RPS6KA1: variants seen among roughly 807,000 people sequenced by gnomAD.
The protein encoded by RPS6KA1 is ribosomal protein S6 kinase alpha-1.
A neutral mutation model predicts 91.3 loss-of-function variants in RPS6KA1; 48 were observed. The observed-to-expected ratio is 0.53, with a 90% confidence interval of 0.42 to 0.67. RPS6KA1 has a LOEUF of 0.67. Ranked by LOEUF, RPS6KA1 falls within the 30% of genes least tolerant of loss-of-function variation. The pLI is 0.00. For synonymous variants in RPS6KA1, 359 were observed against 384.7 expected, an observed-to-expected ratio of 0.93 and a Z score of 0.78; for missense variants, 719 against 960.5, an observed-to-expected ratio of 0.75 and a Z score of 3.32.
chr1:26,555,367 C>A lies in RPS6KA1; in HGVS notation c.827+146C>A. The A allele has an allele frequency of 1.0e-6, 1 of 1,004,124 alleles. No individual in the cohort carries two copies. The highest frequency in any genetic ancestry group is 1.5e-6 in the Non-Finnish European group (1 of 668,850). 62.2% of individuals were successfully genotyped at this position (1,004,124 alleles called of 1,614,324 possible). On this transcript the variant is annotated intron_variant, in intron 10 of 21. Transcript: ENST00000374168. The surrounding 1 kb of genome is among the most constrained non-coding windows in gnomAD (Gnocchi z 4.3). ...GGGTTAAACATTATACCTTCCAGAGCCCCTCTTTCATCCCTGGGGGCCTGT... is the reference window on the plus strand; with the variant it reads ...GGGTTAAACATTATACCTTCCAGAGACCCTCTTTCATCCCTGGGGGCCTGT...
intron 11 of RPS6KA1, chr1:26,556,157 G>GCATGTAGTAGGTGT (rs1553132623): frequency 9.9e-6 from 2 of 202,110 alleles, no homozygotes; most frequent in African/African-American, 4.6e-5. Context: ...GAACATGCCG[G>GCATGTAGTAGGTGT]CATGTAGTAG....
chr1:26,556,554 C>T (rs2076103209), intron 11 of RPS6KA1, 100 bp from the exon 12 acceptor site: 2 of 1,276,322 alleles, frequency 1.6e-6, no homozygotes, highest in Admixed American at 3.4e-5. Flanking sequence ...CCCTCTGCTC[C>T]AGCAGCTGGT....
chr1:26,571,991 T>C lies in RPS6KA1; in HGVS notation c.1829+66T>C, dbSNP rs1337330284. The C allele has an allele frequency of 3.3e-6, 5 of 1,519,900 alleles. No homozygotes were observed. The Admixed American group carries it at 5.2e-5, about 16-fold the overall frequency. 94.2% of individuals were successfully genotyped at this position (1,519,900 alleles called of 1,614,324 possible). A position where few individuals can be genotyped will look rare whatever the true frequency, so the allele number is the denominator to read the frequency against. On this transcript the variant is annotated intron_variant, in intron 19 of 21. Coordinates refer to ENST00000374168, the MANE Select transcript of RPS6KA1 (RefSeq NM_002953.4). This position sits in a 1 kb window ranked among gnomAD's most constrained non-coding sequence, Gnocchi z 5.1. ...CCTAGCACTTGGGCTGAGTGGTGCTTGTCTGATAGGAATGGCTCAGCCAGC... is the reference window on the plus strand; with the variant it reads ...CCTAGCACTTGGGCTGAGTGGTGCTCGTCTGATAGGAATGGCTCAGCCAGC...
rs4970490 is a variant in RPS6KA1, at chr1:26,553,429, T to C, written c.507T>C (p.Ala169=). ...FTEEDVKFYL[A]ELALGLDHLH... ...AGGAGGATGTGAAGTTTTACCTGGC[T>C]GAGCTGGCTCTGGGCCTGGATCACC... Residue 169 remains alanine, a synonymous_variant, in exon 7 of 22, where the codon GCT becomes GCC. Transcript: ENST00000374168. 1,611,177 of 1,613,358 alleles carry C rather than the reference T, an allele frequency of 1. 804,519 individuals are homozygous for C. Among genetic ancestry groups the C allele is most frequent in the East Asian group, 1 (44,822 of 44,822 alleles).
chr1:26,539,216 C>T (rs1426132847), intron 2 of RPS6KA1, among the ~76,000 whole-genome samples: 2 of 152,202 alleles, frequency 1.3e-5, no homozygotes, highest in South Asian at 4.1e-4. Context: ...AGCACGTCCC[C>T]GGGAACCCAG....
intron 14 of RPS6KA1, among the ~76,000 whole-genome samples, chr1:26,559,747 A>G (rs2076138494): frequency 6.6e-6 from 1 of 152,170 alleles, no homozygotes. Flanking sequence ...GGGAAATGAT[A>G]GAAGCTTCCT....
At chr1:26,563,576 C>A in intron 17 of RPS6KA1, among the ~76,000 whole-genome samples, 1 of 152,164 alleles carries the variant, frequency 6.6e-6, no homozygotes, top group East Asian at 1.9e-4. Context: ...CAGTAGATTT[C>A]AAGGGTACAT....
chr1:26,560,861 C>G lies in RPS6KA1; in HGVS notation c.1341+10C>G. 6.2e-7 allele frequency: 1 copy of G among 1,614,176 alleles called. No homozygotes were observed. On this transcript the variant is annotated intron_variant, in intron 15 of 21. Transcript: ENST00000374168. ...GGAGTATGCTGTCAAGGTGGGCCTC[C>G]TGACCACGTCTCGGCCAAGGCTGCT...
In RPS6KA1 at chr1:26,555,166, G is replaced by T; in HGVS notation, c.772G>T (p.Gly258Cys). The change falls in exon 10 of 22, where the codon GGC becomes TGC. Residue 258 changes from glycine to cysteine, a missense_variant. Gly to Cys is a radical substitution (Grantham distance 159). Transcript: ENST00000374168. This position sits in a 1 kb window ranked among gnomAD's most constrained non-coding sequence, Gnocchi z 4.3. The part of the protein sequence containing the change: ...YGVLMFEMLT[G>C]SLPFQGKDRK... ...TCCTCTGCAGTTTGAGATGCTGACG[G>T]GCTCCCTGCCCTTCCAGGGGAAGGA... is the stretch of plus-strand genomic sequence containing the variant. The T allele has an allele frequency of 6.2e-7, 1 of 1,614,136 alleles. No homozygotes were observed. Among genetic ancestry groups the T allele is most frequent in the Non-Finnish European group, 8.5e-7 (1 of 1,179,996 alleles).
At chr1:26,549,387 A>G (rs1219823208) in intron 4 of RPS6KA1, among the ~76,000 whole-genome samples, 1 of 151,920 alleles carries the variant, frequency 6.6e-6, no homozygotes. Flanking sequence ...CCTGGCCAAC[A>G]TGGTGAAACC....
At chr1:26,544,919 A>G (rs1485787317) in intron 2 of RPS6KA1, among the ~76,000 whole-genome samples, 3 of 151,714 alleles carry the variant, frequency 2.0e-5, no homozygotes, top group Non-Finnish European at 4.4e-5. Flanking sequence ...ATATGTCCCC[A>G]TCTGTCTCTG....
intron 14 of RPS6KA1, 134 bp downstream of exon 14, chr1:26,559,071 A>C (rs1343034878): frequency 9.8e-7 from 1 of 1,020,128 alleles, no homozygotes; most frequent in African/African-American, 1.6e-5. Context: ...AACATAAAAC[A>C]GGGACAGTAA....
chr1:26,559,047 C>A, intron 14 of RPS6KA1, 110 bp downstream of exon 14: 1 of 1,306,872 alleles, frequency 7.7e-7, no homozygotes, highest in Non-Finnish European at 1.0e-6. Flanking sequence ...CACTGTGGGA[C>A]CAGTAGGGCC....
chr1:26,554,756 G>A lies in RPS6KA1; in HGVS notation c.756+18G>A. The A allele has an allele frequency of 6.3e-7, 1 of 1,587,348 alleles. No individual in the cohort carries two copies. The highest frequency in any genetic ancestry group is 8.6e-7 in the Non-Finnish European group (1 of 1,160,578). ...TGTTGATGGTGAGTGCCCAGACAGG[G>A]GTAAAGGATCCAGCCCAAGCCTCTG... On this transcript the variant is annotated intron_variant, in intron 9 of 21. Coordinates refer to ENST00000374168, the MANE Select transcript of RPS6KA1 (RefSeq NM_002953.4). The surrounding 1 kb of genome is among the most constrained non-coding windows in gnomAD (Gnocchi z 4.6).
chr1:26,569,285 G>A (rs1273109130), intron 17 of RPS6KA1, among the ~76,000 whole-genome samples: 1 of 152,132 alleles, frequency 6.6e-6, no homozygotes, highest in Non-Finnish European at 1.5e-5. Context: ...GTGAGATCAC[G>A]ACTGGTAACA....
intron 17 of RPS6KA1, among the ~76,000 whole-genome samples, chr1:26,569,276 T>C (rs1005385663): frequency 1.3e-5 from 2 of 151,976 alleles, no homozygotes; most frequent in South Asian, 2.1e-4. Context: ...ATGGCTCCAG[T>C]GAGATCACGA....
chr1:26,530,871 TC>T, intron 1 of RPS6KA1: 1 of 1,283,928 alleles, frequency 7.8e-7, no homozygotes, highest in Non-Finnish European at 1.0e-6. Context: ...GTGGAAAACT[TC>T]CTCCTTAACC....
Position 26,546,869 on chromosome 1 carries a change from T to C in RPS6KA1, c.111T>C (p.Asp37=). The stretch of plus-strand genomic sequence containing the variant: ...CACCAGCTCTGTCCCTCCATCAGGA[T>C]GAGGGCGTCCTCAAGGAGATCTCCA... ...GEEAGLQPSK[D]EGVLKEISIT... The change falls in exon 3 of 22, where the codon GAT becomes GAC. Residue 37 remains aspartate (D), a splice_region_variant and synonymous_variant. Transcript: ENST00000374168. 6.2e-7 allele frequency: 1 copy of C among 1,613,306 alleles called. No homozygotes were observed. The highest frequency in any genetic ancestry group is 8.5e-7 in the Non-Finnish European group (1 of 1,179,312).
Position 26,554,928 on chromosome 1 carries a change from C to G in RPS6KA1, c.756+190C>G, listed in dbSNP as rs993555146. On this transcript the variant is annotated intron_variant, in intron 9 of 21. Transcript: ENST00000374168. This position sits in a 1 kb window ranked among gnomAD's most constrained non-coding sequence, Gnocchi z 4.6. ...CCCAGGCTTGACCCCACCTGGGACG[C>G]GCCTAACCCAGTGCTGGCCTTCTCC... 6.6e-6 allele frequency among the ~76,000 whole-genome samples: 1 copy of G among 152,212 alleles called. No individual in the cohort carries two copies. The highest frequency in any genetic ancestry group is 1.5e-5 in the Non-Finnish European group (1 of 68,040).
Sources: gnomAD v4.1 joint callset for allele counts (sites outside exome capture counted in the v4.1 genomes callset) on GRCh38, gnomAD v4.1.1 for gene constraint, Gnocchi (gnomAD v3.1) non-coding constraint, MANE v1.5 for transcripts, NCBI Gene and HGNC (gene_info 2026-07-23, HGNC 2026-07-21) for gene names.